MCU: variants seen among roughly 807,000 people sequenced by gnomAD.
MCU encodes mitochondrial calcium uniporter, also known as calcium uniporter protein, mitochondrial.
A neutral mutation model predicts 45.2 loss-of-function variants in MCU; 12 were observed. The observed-to-expected ratio is 0.27, with a 90% CI of 0.17 to 0.43. The LOEUF (loss-of-function observed/expected upper bound fraction) is 0.43. MCU is among the 20% of genes least tolerant of loss of function. The probability of loss-of-function intolerance (pLI) is 1.00; values close to 1 mark genes in which losing one functional copy is unlikely to be tolerated. For missense variants in MCU, 324 were observed against 436.7 expected (o/e 0.74, Z 2.30); for synonymous variants, 160 against 165.1 (o/e 0.97, Z 0.24).
At chr10:72,783,740 G>A (rs1844030519) in intron 1 of MCU, among the ~76,000 whole-genome samples, 1 of 152,222 alleles carries the variant, frequency 6.6e-6, no homozygotes, top group Non-Finnish European at 1.5e-5. Flanking sequence ...ATAGAGTGGG[G>A]TGGAGTGGAG....
intron 1 of MCU, chr10:72,731,007 C>T (rs2132684512): frequency 6.6e-6 from 1 of 152,374 alleles, no homozygotes; most frequent in East Asian, 1.9e-4. Flanking sequence ...AGGCTAGTCT[C>T]AAACTCCTAG....
At chr10:72,770,988 T>A (rs1245881207) in intron 1 of MCU, among the ~76,000 whole-genome samples, 1 of 152,200 alleles carries the variant, frequency 6.6e-6, no homozygotes, top group South Asian at 2.1e-4. Flanking sequence ...GTAATGCAGA[T>A]CTGCTAGCAA....
At chr10:72,748,898 A>G (rs1843455058) in intron 1 of MCU, among the ~76,000 whole-genome samples, 1 of 152,230 alleles carries the variant, frequency 6.6e-6, no homozygotes, top group Non-Finnish European at 1.5e-5. Context: ...TAGCTTCTCT[A>G]GAATTTGCCA....
intron 1 of MCU, among the ~76,000 whole-genome samples, chr10:72,787,566 G>A (rs1243296650): frequency 2.6e-5 from 4 of 152,144 alleles, no homozygotes; most frequent in Non-Finnish European, 4.4e-5. Flanking sequence ...ACCGTGGCCA[G>A]CCAATTTCAT....
In MCU at chr10:72,834,372, T is replaced by G. The variant is rs781209829; in HGVS notation, c.164T>G (p.Ile55Ser). 6.2e-7 allele frequency: 1 copy of G among 1,613,852 alleles called. No individual in the cohort carries two copies. The highest frequency in any genetic ancestry group is 1.7e-5 in the Admixed American group (1 of 60,026). ...TGTGTTTTCTAGGTACACCAGAGGATCGCTTCCTGGCAGAATTTGGGAGCT... is the reference window on the plus strand; with the variant it reads ...TGTGTTTTCTAGGTACACCAGAGGAGCGCTTCCTGGCAGAATTTGGGAGCT... Reference protein sequence around the residue: ...QQHHRTVHQRIASWQNLGAVY... With the variant: ...QQHHRTVHQRSASWQNLGAVY... The change falls in exon 2 of 8, where the codon ATC becomes AGC. Residue 55 changes from isoleucine (I) to serine (S), a missense_variant. By Grantham distance (142) the Ile-to-Ser change is moderately radical. This residue lies in a region of MCU where 111 missense variants were observed against 112.3 expected (regional missense o/e 0.99). Coordinates refer to ENST00000373053, the MANE Select transcript of MCU (RefSeq NM_138357.3).
intron 6 of MCU, among the ~76,000 whole-genome samples, chr10:72,882,661 T>G (rs923763941): frequency 6.6e-6 from 1 of 152,190 alleles, no homozygotes; most frequent in African/African-American, 2.4e-5. Flanking sequence ...ATGTTATCAA[T>G]GACAATGGTG....
intron 2 of MCU, among the ~76,000 whole-genome samples, chr10:72,858,554 A>G (rs868097195): frequency 6.6e-6 from 1 of 152,186 alleles, no homozygotes; most frequent in Non-Finnish European, 1.5e-5. Context: ...AGGAAGGGGT[A>G]TAATGAATTG....
At chr10:72,708,507 G>C (rs1842851359) in intron 1 of MCU, among the ~76,000 whole-genome samples, 1 of 152,246 alleles carries the variant, frequency 6.6e-6, no homozygotes, top group South Asian at 2.1e-4. Context: ...GCCTGCAGGA[G>C]TCAATAGGCA....
intron 2 of MCU, among the ~76,000 whole-genome samples, chr10:72,848,022 C>T (rs887022762): frequency 2.0e-5 from 3 of 152,290 alleles, no homozygotes; most frequent in African/African-American, 2.4e-5. Flanking sequence ...AAGTACACAT[C>T]ATCACTTCAG....
At chr10:72,805,102 T>TCTTTCTTTCTTC (rs1328161767) in intron 1 of MCU, among the ~76,000 whole-genome samples, 24 of 7,514 alleles carry the variant, frequency 3.2e-3, no homozygotes, top group Non-Finnish European at 7.1e-3. Context: ...TCTTTCTTTC[T>TCTTTCTTTCTTC]CTTTCTTTCT....
intron 2 of MCU, among the ~76,000 whole-genome samples, chr10:72,849,446 T>G (rs1406760906): frequency 6.6e-6 from 1 of 152,102 alleles, no homozygotes; most frequent in East Asian, 1.9e-4. Flanking sequence ...TTAGGGAAGA[T>G]GGATTCACTT....
intron 2 of MCU, among the ~76,000 whole-genome samples, chr10:72,851,300 C>T (rs571909955): frequency 5.3e-5 from 8 of 152,272 alleles, no homozygotes; most frequent in Admixed American, 4.6e-4. Flanking sequence ...TAAGCATTTA[C>T]CTGTGAAACT....
rs1442473485 is a variant in MCU, at chr10:72,886,229, GTAAA to G, written c.*414_*417del. ...AACTGTCCCTATTTTTGACATAGGA[GTAAA>G]TAAATATACTAGAAAAGCAAATTCT... is the stretch of plus-strand genomic sequence containing the variant. On this transcript the variant is annotated 3_prime_UTR_variant, in exon 8 of 8. Transcript: ENST00000373053. 1.3e-5 allele frequency: 2 copies of G among 155,956 alleles called. No individual in the cohort carries two copies. The highest frequency in any genetic ancestry group is 1.3e-4 in the Admixed American group (2 of 15,436). The allele number at this position is 155,956 out of a possible 1,614,324, so 9.7% of individuals were successfully genotyped here. A position where few individuals can be genotyped will look rare whatever the true frequency, so the allele number is the denominator to read the frequency against.
At chr10:72,845,152 CAT>C (rs1391854785) in intron 2 of MCU, among the ~76,000 whole-genome samples, 1 of 151,988 alleles carries the variant, frequency 6.6e-6, no homozygotes, top group Non-Finnish European at 1.5e-5. Context: ...AGAAATCTGA[CAT>C]GTGATTGATT....
At chr10:72,810,560 C>T (rs1013047110) in intron 1 of MCU, among the ~76,000 whole-genome samples, 2 of 149,562 alleles carry the variant, frequency 1.3e-5, no homozygotes, top group Non-Finnish European at 3.0e-5. Context: ...CTCTGCCTCC[C>T]GGGTTGAAGT....
At chr10:72,695,021 T>C (rs953161503) in intron 1 of MCU, among the ~76,000 whole-genome samples, 1 of 152,240 alleles carries the variant, frequency 6.6e-6, no homozygotes, top group Admixed American at 6.5e-5. Flanking sequence ...CTTGTGACTG[T>C]AACCAAAACT....
Position 72,830,594 on chromosome 10 carries a change from T to C in MCU, c.151-3765T>C, listed in dbSNP as rs541366949. Among the ~76,000 whole-genome samples, 7 of 152,336 alleles carry C rather than the reference T, an allele frequency of 4.6e-5. No homozygotes were observed. The East Asian group carries it at 1.3e-3, about 29-fold the overall frequency. The stretch of plus-strand genomic sequence containing the variant: ...TACTGTATGTGTCTGAAGATGTCAG[T>C]ATTTAAAAGTTACTACATAAACAAA... On this transcript the variant is annotated intron_variant, in intron 1 of 7. Coordinates refer to ENST00000373053, the MANE Select transcript of MCU (RefSeq NM_138357.3).
chr10:72,800,914 C>CA (rs1263203764), intron 1 of MCU, among the ~76,000 whole-genome samples: 1 of 152,134 alleles, frequency 6.6e-6, no homozygotes, highest in African/African-American at 2.4e-5. Context: ...GCCTGGGCAA[C>CA]ATAGCAAGAC....
intron 1 of MCU, among the ~76,000 whole-genome samples, chr10:72,717,050 C>T (rs1842963079): frequency 6.6e-6 from 1 of 151,900 alleles, no homozygotes; most frequent in African/African-American, 2.4e-5. Context: ...TTTGCTAGGT[C>T]TCACAACATA....
Sources: gnomAD v4.1 joint callset for allele counts (sites outside exome capture counted in the v4.1 genomes callset) on GRCh38, gnomAD v4.1.1 for gene constraint, gnomAD v4.1.1 regional missense constraint, MANE v1.5 for transcripts, NCBI Gene and HGNC (gene_info 2026-07-23, HGNC 2026-07-21) for gene names.